Variants in ANKRD45 observed in about 807,000 individuals in gnomAD.
The protein encoded by ANKRD45 is ankyrin repeat domain-containing protein 45.
In ANKRD45, 21 loss-of-function variants were observed where a neutral mutation model predicts 28.1. The ratio of observed to expected loss-of-function variants is 0.75; its 90% CI spans 0.53 to 1.08. The LOEUF (loss-of-function observed/expected upper bound fraction) is 1.08, where lower values mean the gene tolerates loss of function less well. Ranked by LOEUF, ANKRD45 falls within the 50% of genes least tolerant of loss-of-function variation. The pLI is 0.00. For synonymous variants in ANKRD45, 86 were observed against 103.9 expected, an observed-to-expected ratio of 0.83 and a Z score of 1.05; for missense variants, 261 against 308.7, an observed-to-expected ratio of 0.85 and a Z score of 1.16.
rs186697369 is a variant in ANKRD45 at position 173,610,073 on chromosome 1, G to A, written c.*72C>T. 22 of 1,437,506 alleles carry A rather than the reference G, an allele frequency of 1.5e-5. No individual in the cohort carries two copies. Among genetic ancestry groups the A allele is most frequent in the East Asian group, 4.5e-5 (2 of 43,964 alleles). 89.0% of individuals were successfully genotyped at this position (1,437,506 alleles called of 1,614,324 possible). A position where few individuals can be genotyped will look rare whatever the true frequency, so the allele number is the denominator to read the frequency against. On this transcript the variant is annotated 3_prime_UTR_variant, in exon 6 of 6. Coordinates refer to ENST00000333279, the MANE Select transcript of ANKRD45 (RefSeq NM_198493.3). ...TAAAGAAACCCACATCTGTTTTCTC[G>A]ATTTCAAATGGCATGAATAGGTTTG...
intron 2 of ANKRD45, among the ~76,000 whole-genome samples, chr1:173,648,248 T>A (rs555065865): frequency 3.2e-4 from 48 of 152,236 alleles, no homozygotes; most frequent in Middle Eastern, 3.4e-3. Flanking sequence ...AATAATTTTT[T>A]AAATATTTTG....
chr1:173,681,199 T>C, the ANKRD45 span, among the ~76,000 whole-genome samples: 1 of 152,194 alleles, frequency 6.6e-6, no homozygotes. Flanking sequence ...GAATATCATA[T>C]AATTTATTAA....
At chr1:173,683,467 T>C in the ANKRD45 span, among the ~76,000 whole-genome samples, 1 of 152,158 alleles carries the variant, frequency 6.6e-6, no homozygotes, top group Non-Finnish European at 1.5e-5. Flanking sequence ...AAGAGTTGTA[T>C]AGCAAAATAA....
rs952718382 is a variant in ANKRD45, at chr1:173,608,521, G to C, written c.*1624C>G. Among the ~76,000 whole-genome samples, 1 of 151,918 alleles carries C rather than the reference G, an allele frequency of 6.6e-6. No homozygotes were observed. The highest frequency in any genetic ancestry group is 6.5e-5 in the Admixed American group (1 of 15,272). The stretch of plus-strand genomic sequence containing the variant: ...TTTAGTAGAGACAGGGTTTCACCAT[G>C]TTGGCCAGGCTTGTCTCAAACCGCT... On this transcript the variant is annotated 3_prime_UTR_variant, in exon 6 of 6. Transcript: ENST00000333279.
intron 4 of ANKRD45, among the ~76,000 whole-genome samples, chr1:173,626,801 T>G (rs1667959162): frequency 6.6e-6 from 1 of 152,236 alleles, no homozygotes. Context: ...ATTACATTTC[T>G]AAGATTCAGC....
the ANKRD45 span, among the ~76,000 whole-genome samples, chr1:173,694,884 G>A: frequency 4.6e-5 from 7 of 152,028 alleles, no homozygotes; most frequent in Admixed American, 1.3e-4. Flanking sequence ...TACTTCTCTT[G>A]TATTATTTTT....
rs1211216684 is a variant in ANKRD45 at position 173,609,006 on chromosome 1, G to T, written c.*1139C>A. Among the ~76,000 whole-genome samples the T allele has an allele frequency of 2.0e-5, 3 of 146,680 alleles. No homozygotes were observed. The highest frequency in any genetic ancestry group is 2.0e-4 in the Admixed American group (3 of 14,740). ...GGAAAAGGGAGAAGGGAGAAGGAGG[G>T]TAAAAAAAAAAAAGGAGCAAACACA... is the stretch of plus-strand genomic sequence containing the variant. On this transcript the variant is annotated 3_prime_UTR_variant, in exon 6 of 6. Transcript: ENST00000333279.
the ANKRD45 span, among the ~76,000 whole-genome samples, chr1:173,687,468 C>A: frequency 1.7e-5 from 2 of 120,538 alleles, no homozygotes; most frequent in South Asian, 3.3e-4. Context: ...CCCCCCCACC[C>A]CTTTTTTCTT....
the ANKRD45 span, among the ~76,000 whole-genome samples, chr1:173,711,830 A>T: frequency 6.6e-6 from 1 of 152,214 alleles, no homozygotes; most frequent in Admixed American, 6.5e-5. Flanking sequence ...ATTCACACTG[A>T]ACTTCTCCAC....
At chr1:173,676,684 A>G in the ANKRD45 span, among the ~76,000 whole-genome samples, 2 of 152,194 alleles carry the variant, frequency 1.3e-5, no homozygotes, top group Middle Eastern at 3.4e-3. Flanking sequence ...GTTTTAGGGC[A>G]GCCATAAAGA....
chr1:173,629,815 G>T (rs1185236736), intron 3 of ANKRD45, among the ~76,000 whole-genome samples: 1 of 152,050 alleles, frequency 6.6e-6, no homozygotes, highest in Non-Finnish European at 1.5e-5. Flanking sequence ...AGTACTAGAA[G>T]ATTATAGAAC....
At chr1:173,663,756 C>T (rs894003603) in intron 1 of ANKRD45, among the ~76,000 whole-genome samples, 8 of 152,114 alleles carry the variant, frequency 5.3e-5, no homozygotes, top group African/African-American at 1.9e-4. Flanking sequence ...TCTTCAAATA[C>T]GTATATATTA....
At chr1:173,669,477 A>G (rs1055462558) in intron 1 of ANKRD45, 2 of 455,788 alleles carry the variant, frequency 4.4e-6, no homozygotes, top group Non-Finnish European at 8.8e-6. Context: ...GGGCACACAG[A>G]GTTAAACAAA....
At chr1:173,618,522 G>A (rs777286183) in intron 5 of ANKRD45, among the ~76,000 whole-genome samples, 3 of 152,092 alleles carry the variant, frequency 2.0e-5, no homozygotes, top group Non-Finnish European at 4.4e-5. Context: ...AAGAACAGAC[G>A]AAGAGGAGGA....
intron 5 of ANKRD45, among the ~76,000 whole-genome samples, chr1:173,621,652 T>C (rs1667709620): frequency 6.6e-6 from 1 of 152,084 alleles, no homozygotes; most frequent in Non-Finnish European, 1.5e-5. Flanking sequence ...TGAAGGAACA[T>C]ACCTCAAAAT....
the ANKRD45 span, among the ~76,000 whole-genome samples, chr1:173,697,782 G>A: frequency 0.25 from 37,289 of 151,846 alleles, 5,048 homozygotes; most frequent in Middle Eastern, 0.37. Flanking sequence ...ACCAGCTAAC[G>A]TCATAATGAC....
chr1:173,676,261 T>C, the ANKRD45 span, among the ~76,000 whole-genome samples: 1 of 152,188 alleles, frequency 6.6e-6, no homozygotes. Context: ...TGTATTGTCA[T>C]AAGAATACTC....
chr1:173,650,310 G>C (rs1383503056), intron 2 of ANKRD45, among the ~76,000 whole-genome samples: 4 of 152,198 alleles, frequency 2.6e-5, no homozygotes, highest in East Asian at 3.9e-4. Context: ...CTGTGTCCAA[G>C]CGTTCTCATT....
At chr1:173,661,901 G>C (rs1166668527) in intron 1 of ANKRD45, among the ~76,000 whole-genome samples, 1 of 152,120 alleles carries the variant, frequency 6.6e-6, no homozygotes, top group African/African-American at 2.4e-5. Context: ...TGAAACACTA[G>C]GAAATAACAG....
Sources: allele counts gnomAD v4.1 joint callset (sites outside exome capture counted in the v4.1 genomes callset), GRCh38; gene constraint gnomAD v4.1.1; transcripts MANE v1.5; gene names NCBI Gene and HGNC (gene_info 2026-07-23, HGNC 2026-07-21).